QSOX1: variants seen among roughly 807,000 people sequenced by gnomAD.
The protein encoded by QSOX1 is quiescin sulfhydryl oxidase 1.
QSOX1 carries 40 observed loss-of-function variants against 76.1 expected under a neutral mutation model. The ratio of observed to expected loss-of-function variants is 0.53; its 90% CI spans 0.41 to 0.68. The LOEUF is 0.68. Ranked by LOEUF, QSOX1 falls within the 30% of genes least tolerant of loss-of-function variation. QSOX1 has a pLI of 0.00. For synonymous variants in QSOX1, 392 were observed against 413.1 expected, an observed-to-expected ratio of 0.95 and a Z score of 0.62; for missense variants, 931 against 974.3, an observed-to-expected ratio of 0.96 and a Z score of 0.59.
At chr1:180,187,974 T>A (rs1663215521) in intron 8 of QSOX1, among the ~76,000 whole-genome samples, 1 of 152,258 alleles carries the variant, frequency 6.6e-6, no homozygotes, top group South Asian at 2.1e-4. Context: ...GCCCTGCCGG[T>A]GCCTGCAGTG....
intron 4 of QSOX1, among the ~76,000 whole-genome samples, chr1:180,177,133 CTG>C (rs1662917261): frequency 6.6e-6 from 1 of 152,156 alleles, no homozygotes; most frequent in African/African-American, 2.4e-5. Context: ...TTCTCAATGA[CTG>C]TGTTTCCATC....
Position 180,154,883 on chromosome 1 carries a change from T to C in QSOX1, c.-25T>C, listed in dbSNP as rs2149226754. On this transcript the variant is annotated 5_prime_UTR_variant, in exon 1 of 12. Coordinates refer to ENST00000367602, the MANE Select transcript of QSOX1 (RefSeq NM_002826.5). ...GGACCCGACTCATCCGGTGCTTGCGTGTGGTGGTGAGCGCAGCGCCGAGGA... is the reference window on the plus strand; with the variant it reads ...GGACCCGACTCATCCGGTGCTTGCGCGTGGTGGTGAGCGCAGCGCCGAGGA... 3 of 1,385,406 alleles carry C rather than the reference T, an allele frequency of 2.2e-6. No individual in the cohort carries two copies. Among genetic ancestry groups the C allele is most frequent in the East Asian group, 6.1e-5 (2 of 32,522 alleles). 85.8% of individuals were successfully genotyped at this position (1,385,406 alleles called of 1,614,324 possible). A position where few individuals can be genotyped will look rare whatever the true frequency, so the allele number is the denominator to read the frequency against.
chr1:180,157,308 G>A (rs1662396483), intron 1 of QSOX1, among the ~76,000 whole-genome samples: 1 of 152,202 alleles, frequency 6.6e-6, no homozygotes, highest in African/African-American at 2.4e-5. Context: ...CTGTCAGCCT[G>A]CAATGAAGAA....
chr1:180,192,211 G>A (rs1215003595), intron 10 of QSOX1, among the ~76,000 whole-genome samples: 4 of 152,200 alleles, frequency 2.6e-5, no homozygotes, highest in Non-Finnish European at 5.9e-5. Context: ...CAAGCCTGGT[G>A]TGTGGGCAGC....
intron 1 of QSOX1, among the ~76,000 whole-genome samples, chr1:180,159,996 C>T (rs777540212): frequency 2.0e-5 from 3 of 152,194 alleles, no homozygotes; most frequent in Non-Finnish European, 1.5e-5. Context: ...TCCTCATTAT[C>T]ATGCGTTTCT....
intron 1 of QSOX1, among the ~76,000 whole-genome samples, chr1:180,164,099 CA>C (rs1662556293): frequency 6.6e-6 from 1 of 152,190 alleles, no homozygotes; most frequent in South Asian, 2.1e-4. Context: ...TGGGGATCAG[CA>C]ATCCCCTGGT....
intron 1 of QSOX1, among the ~76,000 whole-genome samples, chr1:180,155,939 C>T (rs1157069833): frequency 1.3e-5 from 2 of 152,164 alleles, no homozygotes; most frequent in Admixed American, 6.5e-5. Flanking sequence ...AACTATATTT[C>T]CTGAATTCCA....
chr1:180,175,869 A>C, intron 3 of QSOX1, 62 bp from the exon 4 acceptor site: 2 of 1,320,248 alleles, frequency 1.5e-6, no homozygotes, highest in East Asian at 5.0e-5. Flanking sequence ...GAAGGTGGCC[A>C]GTGTGCTGTG....
At chr1:180,156,462 T>A (rs1037081614) in intron 1 of QSOX1, among the ~76,000 whole-genome samples, 3 of 152,234 alleles carry the variant, frequency 2.0e-5, no homozygotes, top group African/African-American at 7.2e-5. Flanking sequence ...TATTTCTTGA[T>A]AAATTCAACT....
intron 6 of QSOX1, among the ~76,000 whole-genome samples, chr1:180,183,635 G>A (rs1241595751): frequency 6.6e-6 from 1 of 152,222 alleles, no homozygotes; most frequent in African/African-American, 2.4e-5. Context: ...GAGCCAGAGG[G>A]CCACTGGGGG....
chr1:180,188,872 G>GCACACACA (rs113457149), intron 8 of QSOX1, among the ~76,000 whole-genome samples: 3 of 151,790 alleles, frequency 2.0e-5, no homozygotes, highest in Non-Finnish European at 2.9e-5. Flanking sequence ...GTGCACACAC[G>GCACACACA]CACACACACA....
intron 2 of QSOX1, 123 bp from the exon 3 acceptor site, chr1:180,175,198 C>T (rs898680570): frequency 2.4e-6 from 2 of 846,078 alleles, no homozygotes; most frequent in Non-Finnish European, 4.0e-6. Context: ...ACAGGCTCAA[C>T]AACATTAAGT....
intron 5 of QSOX1, among the ~76,000 whole-genome samples, chr1:180,180,246 T>C (rs902665802): frequency 6.6e-6 from 1 of 152,260 alleles, no homozygotes; most frequent in African/African-American, 2.4e-5. Flanking sequence ...GTTTCACTCT[T>C]GTTGCCCAGG....
At chr1:180,163,670 A>G (rs529300443) in intron 1 of QSOX1, among the ~76,000 whole-genome samples, 1 of 152,356 alleles carries the variant, frequency 6.6e-6, no homozygotes, top group Admixed American at 6.5e-5. Context: ...AATATCTATG[A>G]CTTAATTTAA....
intron 2 of QSOX1, among the ~76,000 whole-genome samples, chr1:180,170,224 G>A (rs1168520215): frequency 1.3e-5 from 2 of 152,166 alleles, no homozygotes. Flanking sequence ...TGAGATGTCA[G>A]GGAGGAAGAC....
At chr1:180,185,152 G>A (rs1374884888) in intron 7 of QSOX1, among the ~76,000 whole-genome samples, 2 of 152,164 alleles carry the variant, frequency 1.3e-5, no homozygotes, top group African/African-American at 2.4e-5. Context: ...CTGAGGAGGA[G>A]CATAGGCAGC....
intron 1 of QSOX1, among the ~76,000 whole-genome samples, chr1:180,163,506 A>C (rs575805767): frequency 6.6e-6 from 1 of 152,354 alleles, no homozygotes; most frequent in East Asian, 1.9e-4. Context: ...CATAATTTCT[A>C]GAAACATGTT....
rs1409413780 is a variant in QSOX1 at position 180,155,035 on chromosome 1, C to T, written c.128C>T (p.Thr43Met). ...SALYSPSDPL[T>M]LLQADTVRGA... ...CTCTATTCGCCTTCCGACCCGCTGA[C>T]GCTGCTGCAGGCGGACACGGTGCGC... The change falls in exon 1 of 12, where the codon ACG becomes ATG. Residue 43 changes from threonine (T) to methionine (M), a missense_variant. Physicochemically the swap from Thr to Met is moderately conservative, Grantham distance 81. Transcript: ENST00000367602. 9 of 1,513,302 alleles carry T rather than the reference C, an allele frequency of 5.9e-6. No homozygotes were observed. The highest frequency in any genetic ancestry group is 7.9e-6 in the Non-Finnish European group (9 of 1,137,996). The allele number at this position is 1,513,302 out of a possible 1,614,324, so 93.7% of individuals were successfully genotyped here. A position where few individuals can be genotyped will look rare whatever the true frequency, so the allele number is the denominator to read the frequency against.
chr1:180,169,963 A>G (rs893559343), intron 2 of QSOX1, among the ~76,000 whole-genome samples: 6 of 152,126 alleles, frequency 3.9e-5, no homozygotes, highest in African/African-American at 1.4e-4. Flanking sequence ...TTTGGCTGGG[A>G]GAGAGGAGGA....
Sources: allele counts gnomAD v4.1 joint callset (sites outside exome capture counted in the v4.1 genomes callset), GRCh38; gene constraint gnomAD v4.1.1; transcripts MANE v1.5; gene names NCBI Gene and HGNC (gene_info 2026-07-23, HGNC 2026-07-21).